MAX: variants seen among roughly 807,000 people sequenced by gnomAD.
MAX encodes the protein MYC associated transcriptional regulator X.
MAX carries 3 observed loss-of-function variants against 22.3 expected under a neutral mutation model. The ratio of observed to expected loss-of-function variants is 0.13; its 90% confidence interval spans 0.06 to 0.35. MAX has a LOEUF of 0.35. Among genes scored for constraint, MAX ranks in the 10% least tolerant of loss-of-function variants. The pLI is 1.00. For missense variants in MAX, 119 were observed against 209.4 expected (o/e 0.57, Z 2.66); for synonymous variants, 72 against 77.7 (o/e 0.93, Z 0.39).
At position 65,077,587 on chromosome 14, in the gene MAX, T is replaced by A. The variant is rs764878432; in HGVS notation, c.295+326A>T. 1 of 976,292 alleles carries A rather than the reference T, an allele frequency of 1.0e-6. No homozygotes were observed. The highest frequency in any genetic ancestry group is 1.4e-5 in the South Asian group (1 of 74,022). The allele number at this position is 976,292 out of a possible 1,614,324, so 60.5% of individuals were successfully genotyped here. A position where few individuals can be genotyped will look rare whatever the true frequency, so the allele number is the denominator to read the frequency against. The stretch of plus-strand genomic sequence containing the variant: ...CACAGCACATTCCACTCCAAGGACC[T>A]CAAAGCTCTTTTCAGACACCTGATG... On this transcript the variant is annotated intron_variant, in intron 4 of 4. Transcript: ENST00000358664. The surrounding 1 kb of genome is among the most constrained non-coding windows in gnomAD (Gnocchi z 6.3).
chr14:65,017,271 A>G (rs1245934833), intron 3 of MAX, among the ~76,000 whole-genome samples: 1 of 152,076 alleles, frequency 6.6e-6, no homozygotes, highest in African/African-American at 2.4e-5. Flanking sequence ...TTGTTTGGGA[A>G]GTTTTCCCTT....
At chr14:65,040,875 G>A (rs776308370) in intron 3 of MAX, 2 of 1,614,034 alleles carry the variant, frequency 1.2e-6, no homozygotes, top group Non-Finnish European at 1.7e-6. Context: ...GGCCGCGCTG[G>A]TAATCCTCAA....
chr14:65,056,297 G>A (rs8015921), intron 3 of MAX, among the ~76,000 whole-genome samples: 74,825 of 151,986 alleles, frequency 0.49, 20,814 homozygotes, highest in African/African-American at 0.77. Flanking sequence ...ACCCCAGTGT[G>A]TTTCTCTGTT....
Position 65,030,481 on chromosome 14 carries a change from G to A in MAX, c.172-24197C>T, listed in dbSNP as rs2062059129. ...GGCCGAGCGGCAGTGGCTCATGTCTGTAATCTCAACACTTTGAGAGACTGA... is the reference window on the plus strand; with the variant it reads ...GGCCGAGCGGCAGTGGCTCATGTCTATAATCTCAACACTTTGAGAGACTGA... On this transcript the variant is annotated intron_variant, in intron 3 of 3. Transcript: ENST00000341653. This position sits in a 1 kb window ranked among gnomAD's most constrained non-coding sequence, Gnocchi z 4.5. Among the ~76,000 whole-genome samples, 1 of 152,168 alleles carries A rather than the reference G, an allele frequency of 6.6e-6. No individual in the cohort carries two copies. The highest frequency in any genetic ancestry group is 1.5e-5 in the Non-Finnish European group (1 of 68,016).
intron 3 of MAX, among the ~76,000 whole-genome samples, chr14:65,092,486 A>G (rs1323463906): frequency 6.6e-6 from 1 of 152,232 alleles, no homozygotes; most frequent in African/African-American, 2.4e-5. Flanking sequence ...GTCTGTCTCT[A>G]GTCATAAAGA....
intron 3 of MAX, chr14:65,040,976 TA>T: frequency 6.3e-7 from 1 of 1,594,162 alleles, no homozygotes; most frequent in Non-Finnish European, 8.6e-7. Flanking sequence ...GATGTGATTG[TA>T]CTCAGACATG....
rs775294136 is a variant in MAX at position 65,007,322 on chromosome 14, A to G, written c.172-1038T>C. Among the ~76,000 whole-genome samples the G allele has an allele frequency of 1.3e-5, 2 of 152,340 alleles. No homozygotes were observed. The highest frequency in any genetic ancestry group is 1.9e-4 in the East Asian group (1 of 5,190). On this transcript the variant is annotated intron_variant, in intron 3 of 3. Transcript: ENST00000341653. This position sits in a 1 kb window ranked among gnomAD's most constrained non-coding sequence, Gnocchi z 4.9. ...TAACCTTCACTGTTAGCTGAAGTGC[A>G]TGGTTAGCTGTTAGCAGTAAATCTA...
At chr14:65,006,524 C>A (rs886546221) in intron 3 of MAX, among the ~76,000 whole-genome samples, 1 of 152,154 alleles carries the variant, frequency 6.6e-6, no homozygotes. Flanking sequence ...CAAGCTGGTT[C>A]AAGCTTAGCC....
downstream of MAX, among the ~76,000 whole-genome samples, chr14:65,074,123 C>A (rs2139725139): frequency 6.6e-6 from 1 of 152,282 alleles, no homozygotes; most frequent in Admixed American, 6.5e-5. Flanking sequence ...ACTTCTAACA[C>A]CAATACTAAG....
intron 3 of MAX, among the ~76,000 whole-genome samples, chr14:65,040,214 C>T (rs2062313343): frequency 6.7e-6 from 1 of 149,994 alleles, no homozygotes; most frequent in Admixed American, 6.7e-5. Context: ...TCAACAATCA[C>T]TCTTTAATTT....
chr14:65,100,015 C>G (rs1185726183), intron 2 of MAX, among the ~76,000 whole-genome samples: 1 of 152,212 alleles, frequency 6.6e-6, no homozygotes, highest in African/African-American at 2.4e-5. Flanking sequence ...CTTGCCTTTA[C>G]CCTGTGGTTA....
chr14:65,006,433 G>A (rs2061591799), intron 3 of MAX: 2 of 1,311,964 alleles, frequency 1.5e-6, no homozygotes, highest in Middle Eastern at 4.5e-4. Flanking sequence ...ATTAGCAAAT[G>A]ACGCCATTTA....
intron 3 of MAX, among the ~76,000 whole-genome samples, chr14:65,080,189 C>A (rs1408531186): frequency 6.6e-6 from 1 of 152,186 alleles, no homozygotes; most frequent in Admixed American, 6.5e-5. Context: ...ACGCTCCTAT[C>A]TGAAATGGTG....
chr14:65,027,819 C>T lies in MAX; in HGVS notation c.172-21535G>A, dbSNP rs754681023. On this transcript the variant is annotated intron_variant, in intron 3 of 3. Transcript: ENST00000341653. The surrounding 1 kb of genome is among the most constrained non-coding windows in gnomAD (Gnocchi z 5.7). ...TTGCACAGGCTGCCACATCAGTTGA[C>T]TCTAGAGCTCATCTGCCATTAGAGA... is the stretch of plus-strand genomic sequence containing the variant. 6 of 1,612,802 alleles carry T rather than the reference C, an allele frequency of 3.7e-6. No homozygotes were observed. In the Admixed American group the frequency reaches 1.0e-4, roughly 27 times the overall value.
chr14:65,090,329 G>A (rs746350231), intron 3 of MAX: 1 of 152,152 alleles, frequency 6.6e-6, no homozygotes, highest in Non-Finnish European at 1.5e-5. Flanking sequence ...TCTAGCCCCT[G>A]TCCTGTTACA....
rs373344117 is a variant in MAX, at chr14:65,054,044, AAAAG to A, written c.171+39660_171+39663del. Among the ~76,000 whole-genome samples the A allele has an allele frequency of 1.3e-5, 2 of 152,328 alleles. No homozygotes were observed. The highest frequency in any genetic ancestry group is 1.9e-4 in the East Asian group (1 of 5,184). On this transcript the variant is annotated intron_variant, in intron 3 of 3. Transcript: ENST00000341653. The surrounding 1 kb of genome is among the most constrained non-coding windows in gnomAD (Gnocchi z 4.4). ...GTTTCCTTTAATAGTTTAAGGTAAA[AAAAG>A]AAAGAAAAGAAAAAAAATACAGTTC...
downstream of MAX, chr14:65,075,120 C>CACCA: frequency 9.8e-7 from 1 of 1,015,662 alleles, no homozygotes; most frequent in Non-Finnish European, 1.2e-6. The surrounding 1 kb of genome is among the most constrained non-coding windows in gnomAD (Gnocchi z 4.1). Context: ...AAGACACCAC[C>CACCA]ACCAAGAAGG....
intron 3 of MAX, among the ~76,000 whole-genome samples, chr14:65,056,245 TATTCATTTTA>T (rs1385874121): frequency 6.6e-6 from 1 of 152,238 alleles, no homozygotes; most frequent in Non-Finnish European, 1.5e-5. Flanking sequence ...TGCTCCAGTT[TATTCATTTTA>T]ACTATTATAT....
chr14:65,025,539 G>T (rs2061963133), intron 3 of MAX, among the ~76,000 whole-genome samples: 1 of 152,220 alleles, frequency 6.6e-6, no homozygotes, highest in African/African-American at 2.4e-5. Context: ...CACATGCTGG[G>T]CATGATGGCT....
Sources: gnomAD v4.1 joint callset for allele counts (sites outside exome capture counted in the v4.1 genomes callset) on GRCh38, gnomAD v4.1.1 for gene constraint, Gnocchi (gnomAD v3.1) non-coding constraint, MANE v1.5 for transcripts, NCBI Gene and HGNC (gene_info 2026-07-23, HGNC 2026-07-21) for gene names.